Variants in MUSK observed in about 807,000 individuals in gnomAD.
The protein encoded by MUSK is muscle, skeletal receptor tyrosine-protein kinase.
A neutral mutation model predicts 88.7 loss-of-function variants in MUSK; 55 were observed. That is an observed-to-expected ratio of 0.62 (90% CI 0.50 to 0.78). The LOEUF is 0.78. MUSK is among the 30% of genes least tolerant of loss of function. The pLI is 0.00. For missense variants in MUSK, 1,015 were observed against 1,074.3 expected, an observed-to-expected ratio of 0.94 and a Z score of 0.77; for synonymous variants, 387 against 391.9, an observed-to-expected ratio of 0.99 and a Z score of 0.15.
Position 110,800,535 on chromosome 9 carries a change from T to A in MUSK, c.2157T>A (p.Arg719=). Residue 719 remains arginine, a synonymous_variant, in exon 15 of 15, where the codon CGT becomes CGA. Transcript: ENST00000374448. ...CTGGCATGGCTTACCTCTCAGAACG[T>A]AAGTTTGTTCACCGAGATTTAGCCA... ...VAAGMAYLSE[R]KFVHRDLATR... is the part of the protein sequence containing the mutation. 6.2e-7 allele frequency: 1 copy of A among 1,613,728 alleles called. No individual in the cohort carries two copies. The highest frequency in any genetic ancestry group is 8.5e-7 in the Non-Finnish European group (1 of 1,179,812).
intron 6 of MUSK, among the ~76,000 whole-genome samples, chr9:110,739,658 T>C (rs139281882): frequency 2.4e-4 from 37 of 152,158 alleles, no homozygotes; most frequent in African/African-American, 8.0e-4. Context: ...TTGGAATGTG[T>C]AGGGTTTGAG....
intron 7 of MUSK, among the ~76,000 whole-genome samples, chr9:110,756,721 C>T (rs2077329603): frequency 1.3e-5 from 2 of 152,034 alleles, no homozygotes; most frequent in South Asian, 2.1e-4. Context: ...CTGAGATGCC[C>T]TTCATCTTTA....
chr9:110,801,143 G>A lies in MUSK; in HGVS notation c.*155G>A. On this transcript the variant is annotated 3_prime_UTR_variant, in exon 15 of 15. Transcript: ENST00000374448. ...GCTTCCCAGGGAGAGCAAAGACAGT[G>A]CAAAACCCATGTGGTAGACGGACCC... 1.6e-6 allele frequency: 1 copy of A among 609,946 alleles called. No homozygotes were observed. The highest frequency in any genetic ancestry group is 4.4e-5 in the South Asian group (1 of 22,676). 37.8% of individuals were successfully genotyped at this position (609,946 alleles called of 1,614,324 possible).
chr9:110,748,214 C>T (rs2077202158), intron 7 of MUSK, among the ~76,000 whole-genome samples: 1 of 150,958 alleles, frequency 6.6e-6, no homozygotes, highest in South Asian at 2.1e-4. Context: ...CCTTCCCTCC[C>T]TCCCTCTTTT....
intron 14 of MUSK, among the ~76,000 whole-genome samples, chr9:110,799,397 A>C (rs987712420): frequency 6.6e-6 from 1 of 152,186 alleles, no homozygotes; most frequent in Non-Finnish European, 1.5e-5. Context: ...TAAATCTAAG[A>C]CTTTATTTAT....
At chr9:110,797,881 G>A (rs2846439) in intron 14 of MUSK, among the ~76,000 whole-genome samples, 122,286 of 152,168 alleles carry the variant, frequency 0.8, 49,226 homozygotes, top group Non-Finnish European at 0.82. Flanking sequence ...CTCTGTATTC[G>A]TATACAGTTT....
intron 14 of MUSK, among the ~76,000 whole-genome samples, chr9:110,799,905 G>C (rs1334900656): frequency 2.0e-5 from 3 of 152,108 alleles, no homozygotes; most frequent in African/African-American, 7.2e-5. Flanking sequence ...AATAGGGTCA[G>C]GGTTCAACCA....
At chr9:110,738,779 A>G (rs2077058967) in intron 6 of MUSK, among the ~76,000 whole-genome samples, 2 of 152,296 alleles carry the variant, frequency 1.3e-5, no homozygotes, top group Middle Eastern at 3.4e-3. Flanking sequence ...TGTGCCTGCC[A>G]GATATTTAAA....
chr9:110,781,471 A>T (rs375042374), intron 11 of MUSK, among the ~76,000 whole-genome samples: 30 of 151,946 alleles, frequency 2.0e-4, no homozygotes, highest in South Asian at 1.0e-3. Context: ...AGAGATGGGG[A>T]TTCACCGTGT....
Position 110,689,728 on chromosome 9 carries a change from AGTT to A in MUSK, c.358+2461_358+2463del, listed in dbSNP as rs375515635. 3.9e-4 allele frequency among the ~76,000 whole-genome samples: 30 copies of A among 77,310 alleles called. 1 individual carries two copies. Among genetic ancestry groups the A allele is most frequent in the Non-Finnish European group, 4.9e-4 (23 of 46,834 alleles). 50.7% of individuals were successfully genotyped at this position (77,310 alleles called of 152,430 possible). On this transcript the variant is annotated intron_variant, in intron 3 of 14. Transcript: ENST00000374448. Reference sequence around the variant, plus strand: ...ATATATAACTATATATGTTATATATAGTTTATATATAATATTATATATTATATA... The same window carrying A: ...ATATATAACTATATATGTTATATATATATATATAATATTATATATTATATA...
chr9:110,733,673 T>C (rs973383108), intron 5 of MUSK, among the ~76,000 whole-genome samples: 1 of 152,070 alleles, frequency 6.6e-6, no homozygotes, highest in African/African-American at 2.4e-5. Flanking sequence ...ATTATTTGAT[T>C]AATTCAATAA....
intron 7 of MUSK, among the ~76,000 whole-genome samples, chr9:110,749,884 G>A (rs2077226314): frequency 6.6e-6 from 1 of 152,166 alleles, no homozygotes; most frequent in South Asian, 2.1e-4. Context: ...CATATGAACA[G>A]GAGAAGGTCC....
rs1564276248 is a variant in MUSK at position 110,764,641 on chromosome 9, AGG to A, written c.920+2434_920+2435del. Among the ~76,000 whole-genome samples the A allele has an allele frequency of 4.5e-3, 678 of 151,778 alleles. 4 individuals are homozygous for A. The highest frequency in any genetic ancestry group is 0.015 in the African/African-American group (613 of 41,146). On this transcript the variant is annotated intron_variant, in intron 8 of 14. Transcript: ENST00000374448. ...TAGATAGATAGATAGATAGATAGGT[AGG>A]TAGATCATCGGTCTTGTGTGTGCCT...
At chr9:110,769,755 T>C (rs1211686409) in intron 9 of MUSK, among the ~76,000 whole-genome samples, 1 of 152,182 alleles carries the variant, frequency 6.6e-6, no homozygotes, top group Non-Finnish European at 1.5e-5. Flanking sequence ...CAAAATAAAG[T>C]GACAGTAGAT....
intron 7 of MUSK, among the ~76,000 whole-genome samples, chr9:110,761,440 A>G (rs917977201): frequency 6.6e-6 from 1 of 151,662 alleles, no homozygotes; most frequent in Admixed American, 6.6e-5. Flanking sequence ...GTCTATGAGA[A>G]CAACCATTGC....
chr9:110,692,933 C>G (rs1309547048), intron 3 of MUSK, among the ~76,000 whole-genome samples: 1 of 151,476 alleles, frequency 6.6e-6, no homozygotes, highest in African/African-American at 2.4e-5. Flanking sequence ...ATTTTTTGAT[C>G]ATAATAAATA....
chr9:110,714,863 G>A (rs1415110095), intron 5 of MUSK, among the ~76,000 whole-genome samples: 1 of 152,098 alleles, frequency 6.6e-6, no homozygotes, highest in African/African-American at 2.4e-5. Context: ...CTTAAAATAT[G>A]ATGCTAGATG....
chr9:110,735,416 T>G (rs1323611409), intron 6 of MUSK, among the ~76,000 whole-genome samples: 2 of 152,124 alleles, frequency 1.3e-5, no homozygotes, highest in Non-Finnish European at 2.9e-5. Context: ...TGCAACAACA[T>G]GGATGGAACC....
chr9:110,753,645 C>A (rs2077276221), intron 7 of MUSK, among the ~76,000 whole-genome samples: 1 of 152,112 alleles, frequency 6.6e-6, no homozygotes, highest in Non-Finnish European at 1.5e-5. Context: ...CTACCAACAA[C>A]CCCCACTTTC....
Sources: allele counts gnomAD v4.1 joint callset (sites outside exome capture counted in the v4.1 genomes callset), GRCh38; gene constraint gnomAD v4.1.1; transcripts MANE v1.5; gene names NCBI Gene and HGNC (gene_info 2026-07-23, HGNC 2026-07-21).